Variants in PLCZ1 observed in about 807,000 individuals in gnomAD.
PLCZ1 encodes 1-phosphatidylinositol 4,5-bisphosphate phosphodiesterase zeta-1.
PLCZ1 carries 64 observed loss-of-function variants against 76.8 expected under a neutral mutation model. That is an observed-to-expected ratio of 0.83 (90% CI 0.68 to 1.03). PLCZ1 has a LOEUF of 1.03. Among genes scored for constraint, PLCZ1 ranks in the 50% least tolerant of loss-of-function variants. The pLI is 0.00. For synonymous variants in PLCZ1, 248 were observed against 230.8 expected, an observed-to-expected ratio of 1.07 and a Z score of -0.68; for missense variants, 751 against 713.7, an observed-to-expected ratio of 1.05 and a Z score of -0.60.
At chr12:18,672,230 T>C in the PLCZ1 span, among the ~76,000 whole-genome samples, 3 of 152,332 alleles carry the variant, frequency 2.0e-5, no homozygotes, top group Middle Eastern at 3.4e-3. Context: ...ACTGTTCTGT[T>C]GTTACTGCTT....
chr12:18,693,547 G>T, intron 12 of PLCZ1: 1 of 1,610,152 alleles, frequency 6.2e-7, no homozygotes, highest in South Asian at 1.1e-5. Context: ...AACTTATTCA[G>T]AAGTACCTAG....
At chr12:18,733,392 G>C (rs1219197794) in intron 3 of PLCZ1, among the ~76,000 whole-genome samples, 2 of 151,980 alleles carry the variant, frequency 1.3e-5, no homozygotes, top group Non-Finnish European at 2.9e-5. Context: ...CTTTTATTCT[G>C]TAAATTGGCT....
At chr12:18,714,180 T>C (rs1161188891) in intron 5 of PLCZ1, among the ~76,000 whole-genome samples, 1 of 152,234 alleles carries the variant, frequency 6.6e-6, no homozygotes, top group Non-Finnish European at 1.5e-5. Flanking sequence ...GTTTTCTTGA[T>C]TCATGCAAAT....
chr12:18,684,064 G>C (rs764266421), intron 14 of PLCZ1, 66 bp downstream of exon 14: 1 of 1,541,294 alleles, frequency 6.5e-7, no homozygotes, highest in African/African-American at 1.4e-5. Context: ...ATGTCAAAAT[G>C]TGTCTTTGAT....
chr12:18,729,738 G>A (rs939008471), intron 3 of PLCZ1, among the ~76,000 whole-genome samples: 9 of 151,822 alleles, frequency 5.9e-5, no homozygotes, highest in African/African-American at 2.2e-4. Flanking sequence ...TTTTAGTAAA[G>A]GGATTTAAAA....
the PLCZ1 span, among the ~76,000 whole-genome samples, chr12:18,671,187 TAA>T: frequency 1.2e-4 from 16 of 134,080 alleles, no homozygotes; most frequent in Admixed American, 2.3e-4. Flanking sequence ...AGACTCCATC[TAA>T]AAAAAAAAAA....
At chr12:18,706,302 G>A (rs12823142) in intron 6 of PLCZ1, among the ~76,000 whole-genome samples, 4,761 of 151,642 alleles carry the variant, frequency 0.031, 116 homozygotes, top group Non-Finnish European at 0.049. Context: ...TTATCTACGG[G>A]TTTATGAAGA....
the PLCZ1 span, among the ~76,000 whole-genome samples, chr12:18,652,384 G>A: frequency 6.6e-6 from 1 of 152,108 alleles, no homozygotes; most frequent in Non-Finnish European, 1.5e-5. Flanking sequence ...GTCAAGGAAT[G>A]CTAAAGATTG....
At position 18,692,878 on chromosome 12, in the gene PLCZ1, G is replaced by A. The variant is rs947589043; in HGVS notation, c.1461+2032C>T. The A allele has an allele frequency of 8.7e-6, 14 of 1,602,620 alleles. No homozygotes were observed. In the African/African-American group the frequency reaches 1.6e-4, roughly 18 times the overall value. On this transcript the variant is annotated intron_variant, in intron 12 of 14. Coordinates refer to ENST00000266505, the MANE Select transcript of PLCZ1 (RefSeq NM_033123.4). ...GAACCTCCTGTACCAACTACAGTGG[G>A]GAAAAAGAAGAAGAAAACAAAGGGA...
At chr12:18,674,473 A>G in the PLCZ1 span, among the ~76,000 whole-genome samples, 1 of 152,188 alleles carries the variant, frequency 6.6e-6, no homozygotes, top group Non-Finnish European at 1.5e-5. Context: ...TTCTCACTCT[A>G]TGAATTTTTT....
intron 3 of PLCZ1, among the ~76,000 whole-genome samples, chr12:18,726,617 G>T (rs1487064): frequency 6.6e-6 from 1 of 151,910 alleles, no homozygotes; most frequent in Admixed American, 6.6e-5. Context: ...TTCAGAAACA[G>T]AATGAAGGCT....
chr12:18,702,090 T>A (rs919950356), intron 7 of PLCZ1, among the ~76,000 whole-genome samples: 1 of 152,150 alleles, frequency 6.6e-6, no homozygotes, highest in African/African-American at 2.4e-5. Flanking sequence ...ATATAAATAC[T>A]TACCATGATA....
chr12:18,723,552 A>G lies in PLCZ1; in HGVS notation c.136-10T>C. 4 of 1,599,700 alleles carry G rather than the reference A, an allele frequency of 2.5e-6. No individual in the cohort carries two copies. Among genetic ancestry groups the G allele is most frequent in the Non-Finnish European group, 3.4e-6 (4 of 1,168,552 alleles). ...TCAGCCTGTCATTGTCCTACTAAAA[A>G]AATGACTGGTGGGCTCACATTGTGA... On this transcript the variant is annotated splice_polypyrimidine_tract_variant and intron_variant, in intron 3 of 14. Transcript: ENST00000266505.
the PLCZ1 span, among the ~76,000 whole-genome samples, chr12:18,671,409 C>T: frequency 2.6e-5 from 4 of 151,874 alleles, no homozygotes; most frequent in Non-Finnish European, 5.9e-5. Context: ...GAGCCTGGCC[C>T]CTTTGTGTAA....
chr12:18,718,891 G>C (rs187000897), intron 5 of PLCZ1, among the ~76,000 whole-genome samples: 9 of 152,170 alleles, frequency 5.9e-5, no homozygotes, highest in Non-Finnish European at 7.4e-5. Context: ...CAGTATGATA[G>C]GTACATTGTT....
At chr12:18,705,123 T>A in intron 7 of PLCZ1, 43 bp downstream of exon 7, 2 of 1,605,070 alleles carry the variant, frequency 1.2e-6, no homozygotes, top group Non-Finnish European at 1.7e-6. Context: ...CATGTTTTCA[T>A]GGACTTTTTT....
At chr12:18,673,306 T>G in the PLCZ1 span, among the ~76,000 whole-genome samples, 4 of 152,142 alleles carry the variant, frequency 2.6e-5, no homozygotes, top group South Asian at 8.3e-4. Flanking sequence ...ACATTTGAAA[T>G]AGTATATAAG....
chr12:18,724,180 T>A (rs1958615440), intron 3 of PLCZ1, among the ~76,000 whole-genome samples: 1 of 152,112 alleles, frequency 6.6e-6, no homozygotes, highest in African/African-American at 2.4e-5. Context: ...AGTTGTGCAT[T>A]TCCAATTGGA....
intron 3 of PLCZ1, among the ~76,000 whole-genome samples, chr12:18,734,460 C>T (rs1221125525): frequency 1.3e-5 from 2 of 152,114 alleles, no homozygotes; most frequent in Non-Finnish European, 2.9e-5. Context: ...AAGCAATTCT[C>T]GTGCCTCAGC....
Sources: allele counts gnomAD v4.1 joint callset (sites outside exome capture counted in the v4.1 genomes callset), GRCh38; gene constraint gnomAD v4.1.1; transcripts MANE v1.5; gene names NCBI Gene and HGNC (gene_info 2026-07-23, HGNC 2026-07-21).